CCDC3: variants seen among roughly 807,000 people sequenced by gnomAD.
CCDC3 encodes the protein coiled-coil domain containing 3.
CCDC3 carries 24 observed loss-of-function variants against 21.4 expected under a neutral mutation model. That is an observed-to-expected ratio of 1.12 (90% CI 0.81 to 1.58). The LOEUF is 1.58. Ranked by LOEUF, CCDC3 falls within the 40% of genes most tolerant of loss-of-function variation. CCDC3 has a pLI of 0.00. For missense variants in CCDC3, 425 were observed against 360.9 expected (o/e 1.18, Z -1.44); for synonymous variants, 186 against 166.0 (o/e 1.12, Z -0.93).
intron 2 of CCDC3, among the ~76,000 whole-genome samples, chr10:12,976,082 C>G (rs577950926): frequency 6.6e-6 from 1 of 152,362 alleles, no homozygotes; most frequent in East Asian, 1.9e-4. Context: ...AGCTCACACC[C>G]TTGCTCACTC....
chr10:13,090,170 T>C (rs1314802645), intron 3 of CCDC3, among the ~76,000 whole-genome samples: 1 of 147,638 alleles, frequency 6.8e-6, no homozygotes, highest in East Asian at 2.1e-4. Context: ...CTCACTGCAA[T>C]CTCCACCACC....
chr10:12,929,183 A>C, intron 2 of CCDC3, among the ~76,000 whole-genome samples: 1 of 146,444 alleles, frequency 6.8e-6, no homozygotes. Flanking sequence ...AATTGCTTGA[A>C]CCCAGGGGGT....
intron 2 of CCDC3, among the ~76,000 whole-genome samples, chr10:12,973,778 G>A (rs1161183723): frequency 1.3e-5 from 2 of 152,160 alleles, no homozygotes; most frequent in African/African-American, 4.8e-5. Context: ...GGTCTTCCAG[G>A]TAAACCTGAC....
In CCDC3 at chr10:12,937,990, C is replaced by T. The variant is rs546300906; in HGVS notation, c.550-39311G>A. 2.6e-5 allele frequency among the ~76,000 whole-genome samples: 4 copies of T among 152,156 alleles called. No individual in the cohort carries two copies. In the South Asian group the frequency reaches 8.3e-4, roughly 32 times the overall value. On this transcript the variant is annotated intron_variant, in intron 2 of 2. Transcript: ENST00000378825. ...GTTCATTCTTATGCCTTCAACCCAGCATCCTCCAAAATCCCTGGAACTCTG... is the reference window on the plus strand; with the variant it reads ...GTTCATTCTTATGCCTTCAACCCAGTATCCTCCAAAATCCCTGGAACTCTG...
chr10:12,987,762 T>C (rs775642769), intron 2 of CCDC3, among the ~76,000 whole-genome samples: 1 of 152,200 alleles, frequency 6.6e-6, no homozygotes, highest in Non-Finnish European at 1.5e-5. Context: ...TGGAGGAAGA[T>C]GACACAGAGC....
intron 5 of CCDC3, among the ~76,000 whole-genome samples, chr10:13,013,551 T>C (rs1220712519): frequency 6.6e-6 from 1 of 152,196 alleles, no homozygotes; most frequent in African/African-American, 2.4e-5. Flanking sequence ...AATATTTATT[T>C]ATCACAAAGA....
chr10:12,920,360 G>A (rs1380650415), intron 2 of CCDC3, among the ~76,000 whole-genome samples: 1 of 152,170 alleles, frequency 6.6e-6, no homozygotes, highest in Non-Finnish European at 1.5e-5. Context: ...ACGAATTGTG[G>A]CAGTACAATT....
intron 2 of CCDC3, among the ~76,000 whole-genome samples, chr10:12,972,638 G>C (rs994015591): frequency 6.6e-6 from 1 of 152,138 alleles, no homozygotes; most frequent in Non-Finnish European, 1.5e-5. Context: ...CCAACATGGT[G>C]AAACCCCGTC....
At chr10:12,986,514 C>A (rs972012926) in intron 2 of CCDC3, among the ~76,000 whole-genome samples, 1 of 152,148 alleles carries the variant, frequency 6.6e-6, no homozygotes, top group Non-Finnish European at 1.5e-5. Context: ...GTGGTTCACG[C>A]CTGTAATCCC....
intron 2 of CCDC3, among the ~76,000 whole-genome samples, chr10:12,899,455 G>T (rs1278720793): frequency 6.6e-6 from 1 of 152,040 alleles, no homozygotes; most frequent in South Asian, 2.1e-4. Context: ...GTAATTCTGG[G>T]ACTATCTCAG....
At chr10:13,013,380 A>C (rs1836007710) in intron 5 of CCDC3, among the ~76,000 whole-genome samples, 1 of 152,252 alleles carries the variant, frequency 6.6e-6, no homozygotes, top group Non-Finnish European at 1.5e-5. Flanking sequence ...ACACAGACAC[A>C]CACAAACCCT....
intron 5 of CCDC3, among the ~76,000 whole-genome samples, chr10:13,015,389 T>C (rs1836042409): frequency 6.6e-6 from 1 of 152,058 alleles, no homozygotes; most frequent in Non-Finnish European, 1.5e-5. Context: ...GAGACCAGGA[T>C]GGGAATTCAT....
intron 2 of CCDC3, among the ~76,000 whole-genome samples, chr10:12,933,345 A>T (rs147812736): frequency 6.6e-6 from 1 of 152,324 alleles, no homozygotes; most frequent in East Asian, 1.9e-4. Flanking sequence ...AGGTCTATTC[A>T]GATTCTCTTT....
intron 2 of CCDC3, among the ~76,000 whole-genome samples, chr10:12,939,305 C>A (rs1371536): frequency 5.6e-4 from 85 of 152,250 alleles, no homozygotes; most frequent in African/African-American, 1.8e-3. Context: ...TTAAGCTGCA[C>A]GAGAAGAAAT....
At chr10:13,061,120 G>A (rs1261096380) in intron 4 of CCDC3, among the ~76,000 whole-genome samples, 1 of 152,184 alleles carries the variant, frequency 6.6e-6, no homozygotes, top group African/African-American at 2.4e-5. Flanking sequence ...TTCTGAGGAT[G>A]AAATGAGAGG....
chr10:13,095,454 A>G (rs1440164070), intron 3 of CCDC3, among the ~76,000 whole-genome samples: 2 of 152,022 alleles, frequency 1.3e-5, no homozygotes, highest in African/African-American at 4.8e-5. Flanking sequence ...TGGTTTTGGG[A>G]TGAAATGGGT....
At chr10:13,036,497 G>C (rs1477465277) in intron 5 of CCDC3, among the ~76,000 whole-genome samples, 1 of 152,020 alleles carries the variant, frequency 6.6e-6, no homozygotes, top group Non-Finnish European at 1.5e-5. Context: ...GTTTGTTTTT[G>C]TTTTTCAGAT....
intron 2 of CCDC3, among the ~76,000 whole-genome samples, chr10:12,982,658 G>A (rs1004048815): frequency 6.6e-6 from 1 of 151,412 alleles, no homozygotes; most frequent in African/African-American, 2.4e-5. Flanking sequence ...GCTGGGTGTG[G>A]TGGCATGCAC....
At chr10:13,007,726 T>G (rs1835941527) in intron 5 of CCDC3, among the ~76,000 whole-genome samples, 2 of 152,210 alleles carry the variant, frequency 1.3e-5, no homozygotes, top group African/African-American at 4.8e-5. Flanking sequence ...AAAATAATTT[T>G]TTTAAAATCC....
Sources: gnomAD v4.1 joint callset for allele counts (sites outside exome capture counted in the v4.1 genomes callset) on GRCh38, gnomAD v4.1.1 for gene constraint, MANE v1.5 for transcripts, NCBI Gene and HGNC (gene_info 2026-07-23, HGNC 2026-07-21) for gene names.